Variants in TMEM132D observed in about 807,000 individuals in gnomAD.
TMEM132D encodes the protein transmembrane protein 132D.
A neutral mutation model predicts 62.3 loss-of-function variants in TMEM132D; 21 were observed. The observed-to-expected ratio is 0.34, with a 90% CI of 0.24 to 0.49. TMEM132D has a LOEUF of 0.49. Ranked by LOEUF, TMEM132D falls within the 20% of genes least tolerant of loss-of-function variation. The probability of loss-of-function intolerance (pLI) is 0.99; values close to 1 mark genes in which losing one functional copy is unlikely to be tolerated. For missense variants in TMEM132D, 1,346 were observed against 1,402.8 expected (o/e 0.96, Z 0.65); for synonymous variants, 621 against 575.6 (o/e 1.08, Z -1.13).
At chr12:129,251,434 T>C (rs1296895843) in intron 4 of TMEM132D, among the ~76,000 whole-genome samples, 1 of 151,504 alleles carries the variant, frequency 6.6e-6, no homozygotes, top group Non-Finnish European at 1.5e-5. Context: ...TTGAAACTCT[T>C]CTGCTTTGAG....
intron 5 of TMEM132D, among the ~76,000 whole-genome samples, chr12:129,207,899 C>G (rs1048969034): frequency 3.3e-5 from 5 of 152,128 alleles, no homozygotes; most frequent in African/African-American, 9.7e-5. Flanking sequence ...TTTGTTGTTT[C>G]TTTATGCTAG....
At chr12:129,726,206 C>T (rs911578262) in intron 1 of TMEM132D, among the ~76,000 whole-genome samples, 3 of 152,212 alleles carry the variant, frequency 2.0e-5, no homozygotes, top group Non-Finnish European at 2.9e-5. Context: ...TTTCCCCTTG[C>T]TGACTGTGCT....
rs1330414801 is a variant in TMEM132D at position 129,081,992 on chromosome 12, T to A, written c.1690A>T (p.Arg564Trp). ...DSEEEEDDER[R>W]GRGCTLQYQH... is the part of the protein sequence containing the mutation. Reference sequence around the variant, plus strand: ...TACTGCAGGGTGCAGCCGCGGCCCCTCCGCTCATCATCCTCCTCCTCTTCA... The same window carrying A: ...TACTGCAGGGTGCAGCCGCGGCCCCACCGCTCATCATCCTCCTCCTCTTCA... Residue 564 changes from arginine (R) to tryptophan (W), a missense_variant, in exon 7 of 9, where the codon AGG becomes TGG. Transcript: ENST00000422113. 1.2e-6 allele frequency: 2 copies of A among 1,612,460 alleles called. No individual in the cohort carries two copies. The highest frequency in any genetic ancestry group is 3.3e-5 in the Admixed American group (2 of 59,924).
intron 1 of TMEM132D, among the ~76,000 whole-genome samples, chr12:129,864,963 T>C (rs997383543): frequency 3.3e-5 from 5 of 152,118 alleles, no homozygotes; most frequent in Admixed American, 3.3e-4. Flanking sequence ...CCAAACTCTA[T>C]GTGAGCTCAT....
At chr12:129,621,988 G>A (rs925487862) in intron 2 of TMEM132D, among the ~76,000 whole-genome samples, 1 of 152,180 alleles carries the variant, frequency 6.6e-6, no homozygotes, top group Admixed American at 6.5e-5. Context: ...TGGAAAAGGA[G>A]AGAAGGTTGT....
intron 1 of TMEM132D, among the ~76,000 whole-genome samples, chr12:129,832,275 G>A (rs1055720008): frequency 6.6e-6 from 1 of 151,386 alleles, no homozygotes; most frequent in African/African-American, 2.4e-5. Flanking sequence ...GAAAAAGGGG[G>A]AGGGAAAGAA....
intron 2 of TMEM132D, among the ~76,000 whole-genome samples, chr12:129,600,025 T>C (rs1878445222): frequency 6.6e-6 from 1 of 152,218 alleles, no homozygotes. Flanking sequence ...ACTCGTCTTT[T>C]GACAAAAGAT....
intron 5 of TMEM132D, among the ~76,000 whole-genome samples, chr12:129,177,244 T>C (rs1389694223): frequency 2.6e-5 from 4 of 152,210 alleles, no homozygotes; most frequent in Admixed American, 2.0e-4. Context: ...CCAATATTTA[T>C]TGGGGCCTAA....
intron 2 of TMEM132D, among the ~76,000 whole-genome samples, chr12:129,562,473 T>C (rs1274799688): frequency 2.0e-5 from 3 of 152,186 alleles, no homozygotes; most frequent in African/African-American, 7.2e-5. Context: ...AGGGAGGTTG[T>C]GAACAAGCCC....
At chr12:129,501,607 C>T (rs565707078) in intron 3 of TMEM132D, among the ~76,000 whole-genome samples, 1 of 151,990 alleles carries the variant, frequency 6.6e-6, no homozygotes, top group Non-Finnish European at 1.5e-5. Flanking sequence ...CTAACTCAAG[C>T]GATCCTCCTG....
chr12:129,332,529 A>G (rs1869142480), intron 4 of TMEM132D, among the ~76,000 whole-genome samples: 1 of 152,166 alleles, frequency 6.6e-6, no homozygotes, highest in Admixed American at 6.5e-5. Context: ...CCTTGACAAC[A>G]GCCACAACTG....
chr12:129,640,059 T>TAC (rs10591977), intron 2 of TMEM132D, among the ~76,000 whole-genome samples: 69 of 150,768 alleles, frequency 4.6e-4, no homozygotes, highest in African/African-American at 1.6e-3. Flanking sequence ...CACACACACA[T>TAC]ACACACACAC....
intron 3 of TMEM132D, among the ~76,000 whole-genome samples, chr12:129,523,831 G>T (rs11060395): frequency 0.24 from 36,006 of 152,020 alleles, 5,088 homozygotes; most frequent in East Asian, 0.38. Flanking sequence ...TGACTGCCAG[G>T]CCATATGCTT....
At chr12:129,672,295 CT>C (rs1394778351) in intron 2 of TMEM132D, among the ~76,000 whole-genome samples, 6 of 152,180 alleles carry the variant, frequency 3.9e-5, no homozygotes, top group Non-Finnish European at 8.8e-5. Flanking sequence ...TAAAAATGTC[CT>C]ACATAACCCT....
intron 2 of TMEM132D, among the ~76,000 whole-genome samples, chr12:129,611,826 G>T (rs1193363794): frequency 6.6e-6 from 1 of 151,916 alleles, no homozygotes; most frequent in Non-Finnish European, 1.5e-5. Context: ...GGGAGCACAG[G>T]GCTATTGGAT....
intron 5 of TMEM132D, among the ~76,000 whole-genome samples, chr12:129,167,164 A>T (rs1877587730): frequency 9.0e-6 from 1 of 110,804 alleles, no homozygotes; most frequent in South Asian, 3.5e-4. Context: ...TGTTTAAAAA[A>T]AAAAAACAAA....
intron 1 of TMEM132D, among the ~76,000 whole-genome samples, chr12:129,808,130 A>G (rs1476857670): frequency 6.6e-6 from 1 of 152,226 alleles, no homozygotes; most frequent in Admixed American, 6.5e-5. Context: ...ACCGAACATT[A>G]TTGTTCATGA....
At chr12:129,875,674 G>T (rs186960774) in intron 1 of TMEM132D, among the ~76,000 whole-genome samples, 90 of 152,262 alleles carry the variant, frequency 5.9e-4, no homozygotes, top group African/African-American at 2.0e-3. Flanking sequence ...AACAAGGGAG[G>T]CTGGCTTGGG....
intron 4 of TMEM132D, among the ~76,000 whole-genome samples, chr12:129,335,111 G>T (rs1330357245): frequency 6.7e-6 from 1 of 150,234 alleles, no homozygotes; most frequent in East Asian, 2.0e-4. Flanking sequence ...CTATAGGCTG[G>T]GTACTCTAAT....
Sources: gnomAD v4.1 joint callset for allele counts (sites outside exome capture counted in the v4.1 genomes callset) on GRCh38, gnomAD v4.1.1 for gene constraint, MANE v1.5 for transcripts, NCBI Gene and HGNC (gene_info 2026-07-23, HGNC 2026-07-21) for gene names.